Variants in ZFC3H1 observed in about 807,000 individuals in gnomAD.
ZFC3H1 encodes zinc finger C3H1-type containing, also known as zinc finger C3H1 domain-containing protein.
In ZFC3H1, 71 loss-of-function variants were observed where a neutral mutation model predicts 243.7. That is an observed-to-expected ratio of 0.29 (90% CI 0.24 to 0.36). ZFC3H1 has a LOEUF of 0.36. ZFC3H1 is among the 10% of genes least tolerant of loss of function. ZFC3H1 has a pLI of 1.00. For missense variants in ZFC3H1, 1,966 were observed against 2,317.1 expected (o/e 0.85, Z 3.11); for synonymous variants, 838 against 813.0 (o/e 1.03, Z -0.52).
At chr12:71,624,669 G>A (rs941242659) in intron 22 of ZFC3H1, among the ~76,000 whole-genome samples, 2 of 152,104 alleles carry the variant, frequency 1.3e-5, no homozygotes, top group African/African-American at 4.8e-5. Context: ...TAAAAGTTTT[G>A]AGAATAGATT....
chr12:71,647,438 A>G (rs1165131238), intron 3 of ZFC3H1, among the ~76,000 whole-genome samples: 3 of 152,218 alleles, frequency 2.0e-5, no homozygotes, highest in Non-Finnish European at 1.5e-5. Context: ...GCTTACCCAC[A>G]CAGGATAACA....
intron 6 of ZFC3H1, chr12:71,639,473 AGTC>A: frequency 1.7e-5 from 1 of 58,784 alleles, no homozygotes; most frequent in Non-Finnish European, 7.8e-5. Flanking sequence ...AATGTTTAAT[AGTC>A]AGACACTTGA....
Position 71,638,439 on chromosome 12 carries a change from CAAAG to C in ZFC3H1, c.1700_1703del (p.Ser567CysfsTer13). 1.2e-6 allele frequency: 2 copies of C among 1,612,152 alleles called. No individual in the cohort carries two copies. The highest frequency in any genetic ancestry group is 1.7e-6 in the Non-Finnish European group (2 of 1,179,262). ...TTACAGAAACCTGAGGTGGTGGAGG[CAAAG>C]AAAGAGATGGTGCTGGAGAAAAATA... On this transcript the variant is annotated frameshift_variant, in exon 7 of 35. Transcript: ENST00000378743. LOFTEE classifies it high-confidence loss of function.
chr12:71,663,788 G>T lies in ZFC3H1; in HGVS notation c.-178C>A. ...CCCAGCACCCCAGCTCTCTCTCGCC[G>T]GACCGTCGCAACCCAGTTCCCTTTC... On this transcript the variant is annotated 5_prime_UTR_variant, in exon 1 of 35. Coordinates refer to ENST00000378743, the MANE Select transcript of ZFC3H1 (RefSeq NM_144982.5). 1 of 692,014 alleles carries T rather than the reference G, an allele frequency of 1.4e-6. No homozygotes were observed. The highest frequency in any genetic ancestry group is 2.4e-6 in the Non-Finnish European group (1 of 420,060). The allele number at this position is 692,014 out of a possible 1,614,324, so 42.9% of individuals were successfully genotyped here. A position where few individuals can be genotyped will look rare whatever the true frequency, so the allele number is the denominator to read the frequency against.
Position 71,663,787 on chromosome 12 carries a change from C to T in ZFC3H1, c.-177G>A. ...CCCCAGCACCCCAGCTCTCTCTCGCCGGACCGTCGCAACCCAGTTCCCTTT... is the reference window on the plus strand; with the variant it reads ...CCCCAGCACCCCAGCTCTCTCTCGCTGGACCGTCGCAACCCAGTTCCCTTT... On this transcript the variant is annotated 5_prime_UTR_variant, in exon 1 of 35. Coordinates refer to ENST00000378743, the MANE Select transcript of ZFC3H1 (RefSeq NM_144982.5). 1.4e-6 allele frequency: 1 copy of T among 692,394 alleles called. No individual in the cohort carries two copies. The allele number at this position is 692,394 out of a possible 1,614,324, so 42.9% of individuals were successfully genotyped here. A position where few individuals can be genotyped will look rare whatever the true frequency, so the allele number is the denominator to read the frequency against.
intron 1 of ZFC3H1, 29 bp downstream of exon 1, chr12:71,662,984 C>T: frequency 6.4e-7 from 1 of 1,562,336 alleles, no homozygotes; most frequent in South Asian, 1.1e-5. Context: ...TAGTGACACA[C>T]CCAGCGCCGA....
chr12:71,630,901 T>G lies in ZFC3H1; in HGVS notation c.3524A>C (p.Tyr1175Ser). 5.6e-6 allele frequency: 9 copies of G among 1,613,458 alleles called. No homozygotes were observed. Among genetic ancestry groups the G allele is most frequent in the Non-Finnish European group, 7.6e-6 (9 of 1,179,556 alleles). Residue 1175 changes from tyrosine (Y) to serine (S), a missense_variant, in exon 17 of 35, where the codon TAC (tyrosine) becomes TCC (serine). Transcript: ENST00000378743. Reference protein sequence around the residue: ...KEKLPLSSVSYSNMIEPDQCF... With the variant: ...KEKLPLSSVSSSNMIEPDQCF... The stretch of plus-strand genomic sequence containing the variant: ...CTGATCCGGTTCAATCATATTACTG[T>G]ATGATACTGAGCTCAGGGGAAGTTT...
rs761131426 is a variant in ZFC3H1, at chr12:71,631,834, C to T, written c.3414G>A (p.Val1138=). Residue 1138 remains valine, a synonymous_variant, in exon 16 of 35, where the codon GTG becomes GTA. Coordinates refer to ENST00000378743, the MANE Select transcript of ZFC3H1 (RefSeq NM_144982.5). The stretch of plus-strand genomic sequence containing the variant: ...GGTAGGGTCTAAAAGGACATGGCTT[C>T]ACTTCCATTGTTTTACTTTGTGCTG... ...FVTAQSKTME[V]KPCPFRPYHS... is the part of the protein sequence containing the mutation. The T allele has an allele frequency of 1.2e-6, 2 of 1,613,788 alleles. No individual in the cohort carries two copies. The highest frequency in any genetic ancestry group is 8.5e-7 in the Non-Finnish European group (1 of 1,179,800).
intron 33 of ZFC3H1, 143 bp downstream of exon 33, chr12:71,610,915 T>G (rs1035992804): frequency 7.0e-7 from 1 of 1,424,200 alleles, no homozygotes; most frequent in African/African-American, 1.4e-5. Context: ...CTTAAAATGT[T>G]AACTACTTTT....
At chr12:71,620,339 A>G in intron 24 of ZFC3H1, 24 bp from the exon 25 acceptor site, 1 of 1,606,344 alleles carries the variant, frequency 6.2e-7, no homozygotes, top group Non-Finnish European at 8.5e-7. Context: ...TCACAACAAC[A>G]TGAATCACGT....
At position 71,634,140 on chromosome 12, in the gene ZFC3H1, G is replaced by T; in HGVS notation, c.2510+15C>A. On this transcript the variant is annotated intron_variant, in intron 12 of 34. Coordinates refer to ENST00000378743, the MANE Select transcript of ZFC3H1 (RefSeq NM_144982.5). ...CCACAGGAACAATTAGATATGTGAAGATAACAAGGCTCACCTATGTTTTTT... is the reference window on the plus strand; with the variant it reads ...CCACAGGAACAATTAGATATGTGAATATAACAAGGCTCACCTATGTTTTTT... 1 of 1,604,418 alleles carries T rather than the reference G, an allele frequency of 6.2e-7. No individual in the cohort carries two copies. Among genetic ancestry groups the T allele is most frequent in the South Asian group, 1.1e-5 (1 of 89,392 alleles).
At chr12:71,616,410 A>G (rs192229555) in intron 27 of ZFC3H1, among the ~76,000 whole-genome samples, 39 of 152,348 alleles carry the variant, frequency 2.6e-4, no homozygotes, top group Admixed American at 1.6e-3. Flanking sequence ...AGTGTATTCT[A>G]TAACACATTA....
chr12:71,642,864 C>A (rs1391629330), intron 5 of ZFC3H1, among the ~76,000 whole-genome samples: 1 of 152,144 alleles, frequency 6.6e-6, no homozygotes, highest in Non-Finnish European at 1.5e-5. Flanking sequence ...AACTCTTGTA[C>A]ACTTATGACT....
chr12:71,634,598 T>C (rs1194056431), intron 11 of ZFC3H1, 106 bp downstream of exon 11: 1 of 1,298,018 alleles, frequency 7.7e-7, no homozygotes, highest in African/African-American at 1.5e-5. Flanking sequence ...ACTCTGTATC[T>C]TGGATAAAAC....
At chr12:71,657,616 A>G in intron 1 of ZFC3H1, among the ~76,000 whole-genome samples, 1 of 152,204 alleles carries the variant, frequency 6.6e-6, no homozygotes, top group East Asian at 1.9e-4. Flanking sequence ...AGGAAAGTCC[A>G]TAATTAGCTG....
At chr12:71,658,757 T>A (rs1254520163) in intron 1 of ZFC3H1, among the ~76,000 whole-genome samples, 2 of 152,166 alleles carry the variant, frequency 1.3e-5, no homozygotes, top group Non-Finnish European at 2.9e-5. Context: ...AAGCAATAAG[T>A]ACATCTGAAA....
At chr12:71,629,455 G>T (rs1280594) in intron 19 of ZFC3H1, among the ~76,000 whole-genome samples, 154 bp downstream of exon 19, 1 of 151,916 alleles carries the variant, frequency 6.6e-6, no homozygotes, top group Non-Finnish European at 1.5e-5. Context: ...GCGTGAGCCA[G>T]CGCACCCAGC....
chr12:71,634,276 C>T lies in ZFC3H1; in HGVS notation c.2389G>A (p.Asp797Asn). ...NREKQRLIKS[D>N]QLKTSSSSPA... Reference sequence around the variant, plus strand: ...GATGATGAACTTGTCTTCAGCTGATCTGATTTAATCAAACGCTGTTTCTCA... The same window carrying T: ...GATGATGAACTTGTCTTCAGCTGATTTGATTTAATCAAACGCTGTTTCTCA... Residue 797 changes from aspartate to asparagine, a missense_variant, in exon 12 of 35, where the codon GAT (aspartate) becomes AAT (asparagine). Physicochemically the swap from Asp to Asn is conservative, Grantham distance 23. Coordinates refer to ENST00000378743, the MANE Select transcript of ZFC3H1 (RefSeq NM_144982.5). 2 of 1,613,892 alleles carry T rather than the reference C, an allele frequency of 1.2e-6. No homozygotes were observed. Among genetic ancestry groups the T allele is most frequent in the East Asian group, 2.2e-5 (1 of 44,848 alleles).
At chr12:71,650,678 C>T (rs1161622175) in intron 2 of ZFC3H1, among the ~76,000 whole-genome samples, 1 of 152,134 alleles carries the variant, frequency 6.6e-6, no homozygotes, top group Non-Finnish European at 1.5e-5. Context: ...TTTTTAAAAT[C>T]CATTGCAGAA....
Sources: allele counts gnomAD v4.1 joint callset (sites outside exome capture counted in the v4.1 genomes callset), GRCh38; gene constraint gnomAD v4.1.1; transcripts MANE v1.5; gene names NCBI Gene and HGNC (gene_info 2026-07-23, HGNC 2026-07-21).